COX15: variants seen among roughly 807,000 people sequenced by gnomAD.
The protein encoded by COX15 is cytochrome c oxidase assembly factor COX15.
COX15 carries 51 observed loss-of-function variants against 51.9 expected under a neutral mutation model. The observed-to-expected ratio is 0.98, with a 90% confidence interval of 0.78 to 1.24. COX15 has a LOEUF of 1.24. Among genes scored for constraint, COX15 ranks in the 50% most tolerant of loss-of-function variants. The pLI is 0.00. For missense variants in COX15, 420 were observed against 501.1 expected (o/e 0.84, Z 1.55); for synonymous variants, 188 against 190.5 (o/e 0.99, Z 0.11).
At chr10:99,707,488 C>T (rs566952671), downstream of COX15, among the ~76,000 whole-genome samples, 1 of 152,326 alleles carries the variant, frequency 6.6e-6, no homozygotes, top group African/African-American at 2.4e-5. Flanking sequence ...TTGCCATACC[C>T]TTTGGTTTTT....
the COX15 span, among the ~76,000 whole-genome samples, chr10:99,704,039 A>T: frequency 1.3e-5 from 2 of 152,312 alleles, no homozygotes; most frequent in African/African-American, 4.8e-5. Context: ...TAGCAACTTT[A>T]AAAAAAGGAT....
chr10:99,709,660 C>T (rs1294862135), downstream of COX15: 1 of 985,250 alleles, frequency 1.0e-6, no homozygotes, highest in Non-Finnish European at 1.2e-6. Context: ...GCTGTGGCAC[C>T]CTGTTTGGGT....
the COX15 span, among the ~76,000 whole-genome samples, chr10:99,702,036 G>A: frequency 1.3e-5 from 2 of 151,908 alleles, no homozygotes. Context: ...GTGACAGAGT[G>A]AGACTCTGTC....
rs2036646498 is a variant in COX15, at chr10:99,718,491, A to G, written c.842T>C (p.Val281Ala). Residue 281 changes from valine (V) to alanine (A), a missense_variant, in exon 7 of 9, where the codon GTG (valine) becomes GCG (alanine). Physicochemically the swap from Val to Ala is moderately conservative, Grantham distance 64 (BLOSUM62 0). Transcript: ENST00000016171. ...AACAAGCCCAGCATCTAGCCCTGCC[A>G]CAAAAGCCCCTGTATTCCAAGGTAA... The part of the protein sequence containing the change: ...VFLTALSGAF[V>A]AGLDAGLVYN... The G allele has an allele frequency of 6.2e-7, 1 of 1,614,110 alleles. No individual in the cohort carries two copies. Among genetic ancestry groups the G allele is most frequent in the South Asian group, 1.1e-5 (1 of 91,092 alleles).
At chr10:99,703,595 A>G in the COX15 span, among the ~76,000 whole-genome samples, 3 of 152,374 alleles carry the variant, frequency 2.0e-5, no homozygotes, top group East Asian at 5.8e-4. Context: ...CTTCTGTTCT[A>G]GCCAGGTGGA....
the COX15 span, chr10:99,698,697 C>T: frequency 3.7e-6 from 6 of 1,614,030 alleles, no homozygotes; most frequent in African/African-American, 2.7e-5. Context: ...CCTGCTGGCT[C>T]GCTCCAACAC....
chr10:99,706,561 T>C (rs1259249913), downstream of COX15, among the ~76,000 whole-genome samples: 2 of 151,832 alleles, frequency 1.3e-5, no homozygotes, highest in African/African-American at 2.4e-5. Context: ...TCTCAAACTC[T>C]TGGGCTCAAG....
intron 1 of COX15, among the ~76,000 whole-genome samples, chr10:99,730,663 T>G (rs2037107757): frequency 6.6e-6 from 1 of 152,184 alleles, no homozygotes; most frequent in Non-Finnish European, 1.5e-5. Flanking sequence ...CTTATTGCTC[T>G]TAGGCTATAA....
chr10:99,728,824 T>C (rs1590105820), intron 2 of COX15, among the ~76,000 whole-genome samples: 1 of 152,290 alleles, frequency 6.6e-6, no homozygotes, highest in South Asian at 2.1e-4. Flanking sequence ...CCTCAGCAAC[T>C]AGAAGAGGGG....
At position 99,727,119 on chromosome 10, in the gene COX15, A is replaced by C. The variant is rs761793891; in HGVS notation, c.431T>G (p.Phe144Cys). The change falls in exon 4 of 9, where the codon TTC becomes TGC. Residue 144 changes from phenylalanine (F) to cysteine (C), a missense_variant. Transcript: ENST00000016171. ...GTGTGAGTACTCCATGTACCAGATG[A>C]ACTTGAATTCTGTCAGTGTCATATC... is the stretch of plus-strand genomic sequence containing the variant. ...NHDMTLTEFK[F>C]IWYMEYSHRM... 2.5e-6 allele frequency: 4 copies of C among 1,614,258 alleles called. No individual in the cohort carries two copies. Among genetic ancestry groups the C allele is most frequent in the Non-Finnish European group, 3.4e-6 (4 of 1,180,048 alleles).
the COX15 span, chr10:99,705,557 A>T: frequency 6.6e-6 from 1 of 152,224 alleles, no homozygotes; most frequent in East Asian, 1.9e-4. Flanking sequence ...CTTACACAGG[A>T]AGATATAAAG....
In COX15 at chr10:99,714,279, A is replaced by G. The variant is rs1378621661; in HGVS notation, c.*308T>C. The G allele has an allele frequency of 1.7e-6, 2 of 1,199,842 alleles. No individual in the cohort carries two copies. Among genetic ancestry groups the G allele is most frequent in the South Asian group, 3.3e-5 (2 of 60,920 alleles). The allele number at this position is 1,199,842 out of a possible 1,614,324, so 74.3% of individuals were successfully genotyped here. ...CGTAGAAATCATCCACGTAGAACCA[A>G]GAGCTTGCCAACACTGAAAAACCTG... is the stretch of plus-strand genomic sequence containing the variant. On this transcript the variant is annotated 3_prime_UTR_variant, in exon 9 of 9. Coordinates refer to ENST00000016171, the MANE Select transcript of COX15 (RefSeq NM_078470.6).
At position 99,711,292 on chromosome 10, in the gene COX15, T is replaced by C; in HGVS notation, c.*3295A>G. 3.0e-6 allele frequency: 3 copies of C among 985,446 alleles called. No homozygotes were observed. Among genetic ancestry groups the C allele is most frequent in the Non-Finnish European group, 3.6e-6 (3 of 829,930 alleles). The allele number at this position is 985,446 out of a possible 1,614,324, so 61.0% of individuals were successfully genotyped here. On this transcript the variant is annotated 3_prime_UTR_variant, in exon 9 of 9. Transcript: ENST00000016171. ...GGAGGCAACTGTAGAAGCATTAATA[T>C]ATGGTTCTTTGGGTTGGGTCATACT...
chr10:99,727,378 G>A (rs2036993750), intron 3 of COX15, 63 bp downstream of exon 3: 2 of 1,595,548 alleles, frequency 1.3e-6, no homozygotes, highest in African/African-American at 2.7e-5. Flanking sequence ...ATTCTGAAGG[G>A]TTTAAGTCCA....
At chr10:99,731,601 T>C (rs937337974) in intron 1 of COX15, among the ~76,000 whole-genome samples, 26 of 152,210 alleles carry the variant, frequency 1.7e-4, no homozygotes, top group African/African-American at 6.0e-4. Flanking sequence ...ATCTGACTAC[T>C]TGGAACTTTT....
chr10:99,727,588 G>T lies in COX15; in HGVS notation c.273-25C>A. On this transcript the variant is annotated intron_variant, in intron 2 of 8. Transcript: ENST00000016171. ...CCTTAGGATAGGAAAGAAATTTTGG[G>T]GTGTATGCGTGAGGCTGGATTACTC... 3.1e-6 allele frequency: 5 copies of T among 1,611,790 alleles called. No homozygotes were observed. The South Asian group carries it at 5.5e-5, about 18-fold the overall frequency.
At chr10:99,725,359 CT>C (rs1325269005) in intron 4 of COX15, among the ~76,000 whole-genome samples, 1 of 152,238 alleles carries the variant, frequency 6.6e-6, no homozygotes, top group Admixed American at 6.5e-5. Context: ...CACTAGCCCA[CT>C]TTCTTCTCCC....
chr10:99,717,373 C>CTTTA (rs922780480), intron 7 of COX15, among the ~76,000 whole-genome samples: 14 of 152,162 alleles, frequency 9.2e-5, no homozygotes, highest in Non-Finnish European at 1.8e-4. Context: ...AACTCTTTTC[C>CTTTA]TTTATTTATT....
chr10:99,702,509 C>T, the COX15 span: 2 of 1,544,366 alleles, frequency 1.3e-6, no homozygotes, highest in Non-Finnish European at 1.7e-6. Flanking sequence ...TTTTGTCACA[C>T]AGATATCAGT....
Sources: allele counts gnomAD v4.1 joint callset (sites outside exome capture counted in the v4.1 genomes callset), GRCh38; gene constraint gnomAD v4.1.1; transcripts MANE v1.5; gene names NCBI Gene and HGNC (gene_info 2026-07-23, HGNC 2026-07-21).